SOX5: variants seen among roughly 807,000 people sequenced by gnomAD.
SOX5 encodes the protein transcription factor SOX-5.
In SOX5, 9 loss-of-function variants were observed where a neutral mutation model predicts 92.0. The observed-to-expected ratio is 0.10, with a 90% confidence interval of 0.06 to 0.17. The LOEUF (loss-of-function observed/expected upper bound fraction) is 0.17, where lower values mean the gene tolerates loss of function less well. SOX5 is among the 10% of genes least tolerant of loss of function. The probability of loss-of-function intolerance (pLI) is 1.00; values close to 1 mark genes in which losing one functional copy is unlikely to be tolerated. For synonymous variants in SOX5, 344 were observed against 336.3 expected (o/e 1.02, Z -0.25); for missense variants, 642 against 944.5 (o/e 0.68, Z 4.20).
chr12:24,249,853 C>A lies in SOX5; in HGVS notation c.-77+27363G>T, dbSNP rs564527457. Among the ~76,000 whole-genome samples the A allele has an allele frequency of 1.1e-4, 17 of 152,314 alleles. No homozygotes were observed. In the South Asian group the frequency reaches 3.5e-3, roughly 32 times the overall value. On this transcript the variant is annotated intron_variant, in intron 3 of 4. Transcript: ENST00000446891. ...ATTTCACTCAATACTTTAAGATCAC[C>A]TTTGTTCTGGTACTTACTTCTGGCA...
intron 1 of SOX5, among the ~76,000 whole-genome samples, chr12:24,447,415 G>A (rs1941646439): frequency 2.6e-5 from 4 of 152,000 alleles, no homozygotes; most frequent in South Asian, 2.1e-4. Context: ...TCAAGGTCAC[G>A]AAAAACAAGG....
At chr12:23,742,221 T>C (rs970694139) in intron 4 of SOX5, among the ~76,000 whole-genome samples, 4 of 152,196 alleles carry the variant, frequency 2.6e-5, no homozygotes, top group Non-Finnish European at 5.9e-5. Context: ...GTAGCAGCTA[T>C]AGTTAGTAGC....
intron 4 of SOX5, among the ~76,000 whole-genome samples, chr12:24,018,680 CCA>C (rs1953949210): frequency 6.6e-6 from 1 of 151,994 alleles, no homozygotes; most frequent in African/African-American, 2.4e-5. Flanking sequence ...GCCAATAATC[CCA>C]GTTACTCAGG....
chr12:24,550,450 C>A (rs1953048073), intron 1 of SOX5, among the ~76,000 whole-genome samples: 1 of 152,100 alleles, frequency 6.6e-6, no homozygotes, highest in South Asian at 2.1e-4. Context: ...CTTTTAGAGA[C>A]CTCATCCTTC....
intron 1 of SOX5, among the ~76,000 whole-genome samples, chr12:24,529,944 C>A (rs1490101267): frequency 2.0e-5 from 3 of 148,510 alleles, no homozygotes; most frequent in African/African-American, 4.9e-5. Context: ...GGCGTGAACC[C>A]GGGAGGCAGA....
At chr12:24,066,653 AAATT>A (rs1199426995) in intron 4 of SOX5, among the ~76,000 whole-genome samples, 2 of 152,254 alleles carry the variant, frequency 1.3e-5, no homozygotes, top group Admixed American at 6.5e-5. Context: ...ATTTCTGCAG[AAATT>A]AATTAACAAC....
chr12:23,991,329 A>C (rs2418154), intron 4 of SOX5, among the ~76,000 whole-genome samples: 63,159 of 151,272 alleles, frequency 0.42, 13,427 homozygotes, highest in East Asian at 0.61. Flanking sequence ...CTTAAAAAAA[A>C]AACAACAACA....
intron 4 of SOX5, among the ~76,000 whole-genome samples, chr12:24,045,522 A>T (rs1334161932): frequency 1.3e-5 from 2 of 152,052 alleles, no homozygotes; most frequent in South Asian, 4.1e-4. Flanking sequence ...CTGGTCTCAG[A>T]CACCTGGGCT....
chr12:23,608,115 GAAAAAAAA>G (rs772255622), intron 8 of SOX5, among the ~76,000 whole-genome samples: 6 of 44,064 alleles, frequency 1.4e-4, no homozygotes, highest in African/African-American at 1.6e-4. Context: ...AAAGAAAAAA[GAAAAAAAA>G]AAAAAAAAAA....
At chr12:24,227,019 G>A (rs1428878306) in intron 3 of SOX5, 1 of 152,228 alleles carries the variant, frequency 6.6e-6, no homozygotes, top group Non-Finnish European at 1.5e-5. Context: ...CGGAAAATGA[G>A]ACAGCCTGGA....
chr12:23,958,725 A>C (rs976593460), intron 4 of SOX5, among the ~76,000 whole-genome samples: 6 of 73,680 alleles, frequency 8.1e-5, no homozygotes, highest in Non-Finnish European at 2.1e-4. Context: ...TGGGGATTTT[A>C]AGTAAAAAAA....
chr12:23,739,355 T>C (rs1163910924), intron 5 of SOX5, among the ~76,000 whole-genome samples: 2 of 152,214 alleles, frequency 1.3e-5, no homozygotes, highest in South Asian at 2.1e-4. Context: ...TTTCCTACTA[T>C]GTATATTCCA....
chr12:24,009,428 C>A lies in SOX5; in HGVS notation c.-1-113404G>T, dbSNP rs979022902. Among the ~76,000 whole-genome samples the A allele has an allele frequency of 4.6e-5, 7 of 151,772 alleles. No individual in the cohort carries two copies. In the East Asian group the frequency reaches 9.7e-4, roughly 21 times the overall value. Reference sequence around the variant, plus strand: ...TATATAATCAAAACTTATTTGCATCCTATATTTTCAGGTGTAAAATGAACA... The same window carrying A: ...TATATAATCAAAACTTATTTGCATCATATATTTTCAGGTGTAAAATGAACA... On this transcript the variant is annotated intron_variant, in intron 4 of 4. Coordinates refer to the SOX5 transcript ENST00000446891.
chr12:24,499,382 G>A (rs1947961101), intron 1 of SOX5, among the ~76,000 whole-genome samples: 1 of 152,222 alleles, frequency 6.6e-6, no homozygotes, highest in African/African-American at 2.4e-5. Context: ...ACAGCATGAG[G>A]TGTGGACTTT....
At chr12:23,746,657 T>C (rs1382766333) in intron 4 of SOX5, among the ~76,000 whole-genome samples, 1 of 152,118 alleles carries the variant, frequency 6.6e-6, no homozygotes, top group African/African-American at 2.4e-5. Context: ...CTGTATTCCA[T>C]AAAAGCAGCA....
chr12:23,944,164 T>C (rs1486104196), intron 1 of SOX5: 3 of 152,110 alleles, frequency 2.0e-5, no homozygotes, highest in Non-Finnish European at 4.4e-5. Context: ...CTATAAACAG[T>C]TCTCACCAGA....
intron 1 of SOX5, among the ~76,000 whole-genome samples, chr12:23,901,394 A>G (rs1262602363): frequency 6.6e-6 from 1 of 152,174 alleles, no homozygotes; most frequent in African/African-American, 2.4e-5. Context: ...AAGCCACTAT[A>G]TTTGTGATGA....
chr12:24,031,164 A>G (rs530494513), intron 4 of SOX5, among the ~76,000 whole-genome samples: 2 of 151,516 alleles, frequency 1.3e-5, no homozygotes, highest in South Asian at 4.2e-4. Flanking sequence ...AATTAAAAAT[A>G]GAACTACCAT....
Position 24,359,967 on chromosome 12 carries a change from G to T in SOX5, c.-174+8596C>A, listed in dbSNP as rs75059729. Reference sequence around the variant, plus strand: ...AAGGTCATAGGGAGAAAATGAAGAGGATTAGTGGAATTGTATAGAGAAAGA... The same window carrying T: ...AAGGTCATAGGGAGAAAATGAAGAGTATTAGTGGAATTGTATAGAGAAAGA... On this transcript the variant is annotated intron_variant, in intron 2 of 4. Coordinates refer to the SOX5 transcript ENST00000446891. Among the ~76,000 whole-genome samples, 8 of 152,164 alleles carry T rather than the reference G, an allele frequency of 5.3e-5. No homozygotes were observed. The East Asian group carries it at 1.5e-3, about 29-fold the overall frequency.
Sources: gnomAD v4.1 joint callset for allele counts (sites outside exome capture counted in the v4.1 genomes callset) on GRCh38, gnomAD v4.1.1 for gene constraint, MANE v1.5 for transcripts, NCBI Gene and HGNC (gene_info 2026-07-23, HGNC 2026-07-21) for gene names.